Variants in VPS13B observed in about 807,000 individuals in gnomAD.
The protein encoded by VPS13B is vacuolar protein sorting 13 homolog B, also known as intermembrane lipid transfer protein VPS13B.
In VPS13B, 285 loss-of-function variants were observed where a neutral mutation model predicts 426.4. The observed-to-expected ratio is 0.67, with a 90% CI of 0.61 to 0.74. The LOEUF (loss-of-function observed/expected upper bound fraction) is 0.74. VPS13B is among the 30% of genes least tolerant of loss of function. VPS13B has a pLI of 0.00. For synonymous variants in VPS13B, 1,676 were observed against 1,676.4 expected (o/e 1.00, Z 0.01); for missense variants, 4,537 against 4,782.6 (o/e 0.95, Z 1.51).
chr8:99,373,609 G>A (rs775798767), intron 19 of VPS13B, among the ~76,000 whole-genome samples: 1 of 152,172 alleles, frequency 6.6e-6, no homozygotes, highest in Non-Finnish European at 1.5e-5. Context: ...CAGCACTTTG[G>A]GAGGCTGAGG....
At chr8:99,364,699 C>T (rs1048527009) in intron 19 of VPS13B, among the ~76,000 whole-genome samples, 3 of 152,158 alleles carry the variant, frequency 2.0e-5, no homozygotes, top group Non-Finnish European at 2.9e-5. Flanking sequence ...TCCCAGAGTG[C>T]TGGGATTACA....
intron 19 of VPS13B, among the ~76,000 whole-genome samples, chr8:99,304,776 T>C (rs190479596): frequency 1.5e-3 from 233 of 152,260 alleles, no homozygotes; most frequent in Non-Finnish European, 2.9e-3. Context: ...TTCCATCTTT[T>C]ATATCTGGGC....
intron 43 of VPS13B, among the ~76,000 whole-genome samples, chr8:99,791,571 A>C (rs899204845): frequency 1.3e-5 from 2 of 152,126 alleles, no homozygotes; most frequent in African/African-American, 4.8e-5. Flanking sequence ...TGAGAATACA[A>C]ACAGAGACTA....
intron 17 of VPS13B, among the ~76,000 whole-genome samples, chr8:99,207,122 A>G (rs1196665182): frequency 6.6e-6 from 1 of 152,140 alleles, no homozygotes; most frequent in Non-Finnish European, 1.5e-5. Flanking sequence ...TAAAGTTTCC[A>G]TTTTACTACA....
intron 34 of VPS13B, among the ~76,000 whole-genome samples, chr8:99,650,983 T>C (rs1413344280): frequency 9.9e-5 from 15 of 152,188 alleles, no homozygotes; most frequent in Admixed American, 9.8e-4. Flanking sequence ...ATAAGTATTC[T>C]CGAGATGATT....
chr8:99,805,082 A>T (rs1231691013), intron 43 of VPS13B, among the ~76,000 whole-genome samples: 1 of 150,626 alleles, frequency 6.6e-6, no homozygotes, highest in African/African-American at 2.4e-5. Flanking sequence ...ATATATATAT[A>T]TACAGTAGTT....
At chr8:99,258,931 T>G (rs541373159) in intron 17 of VPS13B, among the ~76,000 whole-genome samples, 1 of 151,946 alleles carries the variant, frequency 6.6e-6, no homozygotes, top group Non-Finnish European at 1.5e-5. Flanking sequence ...AGTGTATCTT[T>G]CAGTAAACTC....
intron 17 of VPS13B, among the ~76,000 whole-genome samples, chr8:99,225,373 G>A (rs538801147): frequency 1.3e-5 from 2 of 151,878 alleles, no homozygotes; most frequent in East Asian, 1.9e-4. Flanking sequence ...TTCGCCTCCC[G>A]GGTTCACGCC....
chr8:99,373,574 G>A (rs753045809), intron 19 of VPS13B, among the ~76,000 whole-genome samples: 19 of 152,210 alleles, frequency 1.2e-4, no homozygotes, highest in Non-Finnish European at 2.4e-4. Context: ...CTTAGGCCGA[G>A]CACTGTGGCT....
Position 99,481,799 on chromosome 8 carries a change from T to C in VPS13B, c.3867T>C (p.Thr1289=). 1 of 1,613,720 alleles carries C rather than the reference T, an allele frequency of 6.2e-7. No homozygotes were observed. The highest frequency in any genetic ancestry group is 8.5e-7 in the Non-Finnish European group (1 of 1,179,730). ...CSPSADIGTT[T]EGDSIQAGEE... Reference sequence around the variant, plus strand: ...CATCTGCTGACATTGGGACTACTACTGAGGTAAGTGTTTTTGAAAATCCTG... The same window carrying C: ...CATCTGCTGACATTGGGACTACTACCGAGGTAAGTGTTTTTGAAAATCCTG... Residue 1289 remains threonine, a synonymous_variant, in exon 25 of 62, where the codon ACT becomes ACC. Transcript: ENST00000357162.
Position 99,061,852 on chromosome 8 carries a change from CAAT to C in VPS13B, c.291+23295_291+23297del, listed in dbSNP as rs1183434106. Reference sequence around the variant, plus strand: ...CTGTATGTTACACACTCACAATGGTCAATAATAATAACTATTACTGCTTTGAAT... The same window carrying C: ...CTGTATGTTACACACTCACAATGGTCAATAATAACTATTACTGCTTTGAAT... On this transcript the variant is annotated intron_variant, in intron 3 of 61. Transcript: ENST00000357162. Among the ~76,000 whole-genome samples the C allele has an allele frequency of 2.0e-5, 3 of 152,110 alleles. No individual in the cohort carries two copies. In the East Asian group the frequency reaches 5.8e-4, roughly 29 times the overall value.
At chr8:99,738,637 A>G (rs1420233289) in intron 39 of VPS13B, among the ~76,000 whole-genome samples, 3 of 152,206 alleles carry the variant, frequency 2.0e-5, no homozygotes, top group Non-Finnish European at 4.4e-5. Context: ...ATACAACCTT[A>G]CATTTTTTTC....
At chr8:99,476,437 G>A (rs1276056525) in intron 24 of VPS13B, among the ~76,000 whole-genome samples, 2 of 148,006 alleles carry the variant, frequency 1.4e-5, no homozygotes, top group African/African-American at 5.0e-5. Flanking sequence ...TATGCAGTAA[G>A]CAAATTCTTA....
Position 99,778,978 on chromosome 8 carries a change from C to T in VPS13B, c.7726C>T (p.Leu2576Phe), listed in dbSNP as rs1811878687. Reference sequence around the variant, plus strand: ...GATAGTTGATTCTGTATTTGTAAACCTTGGACAGCATGTAGTCCATTCACT... The same window carrying T: ...GATAGTTGATTCTGTATTTGTAAACTTTGGACAGCATGTAGTCCATTCACT... ...TVIVDSVFVNLGQHVVHSLNT... is the reference protein window; with the variant it reads ...TVIVDSVFVNFGQHVVHSLNT... Residue 2576 changes from leucine (L) to phenylalanine (F), a missense_variant, in exon 42 of 62, where the codon CTT becomes TTT. This residue lies in a region of VPS13B where 4,311 missense variants were observed against 4,474.3 expected (regional missense o/e 0.96). Transcript: ENST00000357162. 1.2e-6 allele frequency: 2 copies of T among 1,613,736 alleles called. No individual in the cohort carries two copies. Among genetic ancestry groups the T allele is most frequent in the Non-Finnish European group, 1.7e-6 (2 of 1,179,872 alleles).
At chr8:99,265,661 A>G (rs1246578146) in intron 17 of VPS13B, among the ~76,000 whole-genome samples, 2 of 152,120 alleles carry the variant, frequency 1.3e-5, no homozygotes, top group African/African-American at 4.8e-5. Context: ...AAGAAAAACG[A>G]TCTGTAGTCA....
chr8:99,416,774 T>A (rs185559153), intron 21 of VPS13B, among the ~76,000 whole-genome samples: 1 of 152,242 alleles, frequency 6.6e-6, no homozygotes, highest in Admixed American at 6.5e-5. Context: ...CCCAGTGAGA[T>A]GAGCTGGGAA....
chr8:99,516,711 C>T (rs1015220175), intron 29 of VPS13B, among the ~76,000 whole-genome samples: 1 of 143,002 alleles, frequency 7.0e-6, no homozygotes, highest in Non-Finnish European at 1.5e-5. Flanking sequence ...TTAATTGAGT[C>T]CAGGAGGTCA....
intron 39 of VPS13B, among the ~76,000 whole-genome samples, chr8:99,764,852 C>T (rs140082665): frequency 2.0e-4 from 31 of 152,256 alleles, no homozygotes; most frequent in African/African-American, 7.5e-4. Flanking sequence ...TACTGAAGTA[C>T]ATACACACAC....
intron 34 of VPS13B, among the ~76,000 whole-genome samples, chr8:99,656,720 C>G (rs1306522731): frequency 4.6e-5 from 7 of 152,168 alleles, no homozygotes; most frequent in Non-Finnish European, 1.0e-4. Context: ...CACCTTTCTG[C>G]TACTACAGCT....
Sources: allele counts gnomAD v4.1 joint callset (sites outside exome capture counted in the v4.1 genomes callset), GRCh38; gene constraint gnomAD v4.1.1; regional missense constraint gnomAD v4.1.1; transcripts MANE v1.5; gene names NCBI Gene and HGNC (gene_info 2026-07-23, HGNC 2026-07-21).